CERK: variants seen among roughly 807,000 people sequenced by gnomAD.
CERK encodes acylsphingosine kinase.
A neutral mutation model predicts 63.4 loss-of-function variants in CERK; 39 were observed. The ratio of observed to expected loss-of-function variants is 0.61; its 90% CI spans 0.48 to 0.80. The LOEUF is 0.80. Ranked by LOEUF, CERK falls within the 30% of genes least tolerant of loss-of-function variation. The probability of loss-of-function intolerance (pLI) is 0.00; values close to 1 mark genes in which losing one functional copy is unlikely to be tolerated. For missense variants in CERK, 670 were observed against 714.1 expected, an observed-to-expected ratio of 0.94 and a Z score of 0.70; for synonymous variants, 302 against 280.0, an observed-to-expected ratio of 1.08 and a Z score of -0.78.
intron 4 of CERK, among the ~76,000 whole-genome samples, chr22:46,711,575 T>C (rs2082841243): frequency 6.6e-6 from 1 of 152,174 alleles, no homozygotes; most frequent in South Asian, 2.1e-4. Context: ...CAGGCCCCGG[T>C]GTGTGATGTG....
intron 3 of CERK, among the ~76,000 whole-genome samples, chr22:46,717,190 C>G (rs1260672570): frequency 6.6e-6 from 1 of 152,204 alleles, no homozygotes; most frequent in Non-Finnish European, 1.5e-5. Context: ...CCAGAACTCC[C>G]GAACCCTGAG....
intron 3 of CERK, 40 bp downstream of exon 3, chr22:46,720,046 A>G: frequency 1.2e-6 from 2 of 1,602,616 alleles, no homozygotes; most frequent in Non-Finnish European, 1.7e-6. Flanking sequence ...TGCGCATGCC[A>G]CCACGGCCAT....
chr22:46,718,706 A>G (rs973941836), intron 3 of CERK, among the ~76,000 whole-genome samples: 2 of 152,230 alleles, frequency 1.3e-5, no homozygotes, highest in East Asian at 3.8e-4. Flanking sequence ...TGCCAAATTC[A>G]TTCAAAAATA....
chr22:46,727,955 G>A (rs1012559931), intron 1 of CERK, among the ~76,000 whole-genome samples: 6 of 152,152 alleles, frequency 3.9e-5, no homozygotes, highest in African/African-American at 9.7e-5. Context: ...GCATGTGGAC[G>A]GGCATGTCAC....
intron 1 of CERK, among the ~76,000 whole-genome samples, chr22:46,728,624 C>A (rs574814766): frequency 6.6e-6 from 1 of 152,334 alleles, no homozygotes; most frequent in South Asian, 2.1e-4. Context: ...CAGAATGAAC[C>A]AAGCCCGACC....
chr22:46,736,280 G>A (rs2082972910), intron 1 of CERK, among the ~76,000 whole-genome samples: 1 of 152,266 alleles, frequency 6.6e-6, no homozygotes, highest in Admixed American at 6.5e-5. Context: ...GGGACGCCAA[G>A]GCAGAAAGCA....
At chr22:46,724,231 G>T (rs941200101) in intron 1 of CERK, among the ~76,000 whole-genome samples, 1 of 151,898 alleles carries the variant, frequency 6.6e-6, no homozygotes, top group Non-Finnish European at 1.5e-5. Context: ...TCTTAACCAC[G>T]TTTTCTTTTC....
rs953579580 is a variant in CERK, at chr22:46,724,813, A to T, written c.143-3798T>A. Among the ~76,000 whole-genome samples, 10 of 152,030 alleles carry T rather than the reference A, an allele frequency of 6.6e-5. No homozygotes were observed. The Middle Eastern group carries it at 0.01, about 155-fold the overall frequency. Reference sequence around the variant, plus strand: ...GGTGGGCGGATCACGAGGTCAGGAGATCGAGACCACCCTGGCTAACATGGT... The same window carrying T: ...GGTGGGCGGATCACGAGGTCAGGAGTTCGAGACCACCCTGGCTAACATGGT... On this transcript the variant is annotated intron_variant, in intron 1 of 12. Coordinates refer to ENST00000216264, the MANE Select transcript of CERK (RefSeq NM_022766.6).
rs964459147 is a variant in CERK at position 46,685,289 on chromosome 22, T to G, written c.*1845A>C. ...TTTCACCATGTTGGGCAGGCTGATC[T>G]CAAACTCCTGACCTTAGGTGATCCA... On this transcript the variant is annotated 3_prime_UTR_variant, in exon 13 of 13. Coordinates refer to ENST00000216264, the MANE Select transcript of CERK (RefSeq NM_022766.6). 2.0e-5 allele frequency: 3 copies of G among 152,324 alleles called. No individual in the cohort carries two copies. Among genetic ancestry groups the G allele is most frequent in the African/African-American group, 7.2e-5 (3 of 41,466 alleles). 9.4% of individuals were successfully genotyped at this position (152,324 alleles called of 1,614,324 possible).
intron 1 of CERK, among the ~76,000 whole-genome samples, chr22:46,724,062 G>A (rs895768079): frequency 5.9e-5 from 9 of 151,492 alleles, no homozygotes; most frequent in Admixed American, 1.3e-4. Context: ...CACCTCCTCC[G>A]TCTTCTCCAC....
At chr22:46,716,410 C>A (rs1479292050) in intron 3 of CERK, among the ~76,000 whole-genome samples, 1 of 150,556 alleles carries the variant, frequency 6.6e-6, no homozygotes, top group African/African-American at 2.4e-5. Context: ...AGGCTGGTCC[C>A]GAACTCTTGA....
chr22:46,704,164 G>A (rs538533546), intron 6 of CERK, among the ~76,000 whole-genome samples: 8 of 152,332 alleles, frequency 5.3e-5, no homozygotes, highest in African/African-American at 1.7e-4. Flanking sequence ...AGGGCACACA[G>A]CGGTACCCCC....
intron 7 of CERK, among the ~76,000 whole-genome samples, chr22:46,700,176 C>T (rs548648315): frequency 4.0e-5 from 6 of 151,092 alleles, no homozygotes; most frequent in African/African-American, 1.5e-4. Context: ...GGTGGATCAC[C>T]TGAGGTCAGG....
intron 3 of CERK, 99 bp from the exon 4 acceptor site, chr22:46,712,392 T>C: frequency 9.6e-7 from 1 of 1,037,656 alleles, no homozygotes; most frequent in Non-Finnish European, 1.4e-6. Flanking sequence ...TTTAGAATTC[T>C]GCTTAGTATT....
chr22:46,728,197 C>T lies in CERK; in HGVS notation c.143-7182G>A, dbSNP rs559788688. ...GTCCCCACTCCATGCTGTCAGGTCG[C>T]GGGAAACCTGCATCAGCCTCCCGTC... On this transcript the variant is annotated intron_variant, in intron 1 of 12. Coordinates refer to ENST00000216264, the MANE Select transcript of CERK (RefSeq NM_022766.6). 1.1e-4 allele frequency among the ~76,000 whole-genome samples: 17 copies of T among 152,236 alleles called. No homozygotes were observed. The East Asian group carries it at 1.2e-3, about 10-fold the overall frequency.
chr22:46,716,715 G>T (rs900356099), intron 3 of CERK, among the ~76,000 whole-genome samples: 1 of 151,828 alleles, frequency 6.6e-6, no homozygotes, highest in Admixed American at 6.6e-5. Context: ...GAGGCAGGTA[G>T]ATCACTTGAG....
intron 12 of CERK, among the ~76,000 whole-genome samples, chr22:46,689,023 TC>T (rs1167237801): frequency 3.9e-5 from 6 of 152,228 alleles, no homozygotes; most frequent in African/African-American, 1.4e-4. Context: ...ATCACAGACT[TC>T]CAAATACAAT....
intron 1 of CERK, among the ~76,000 whole-genome samples, chr22:46,731,685 C>T (rs536612662): frequency 3.9e-5 from 6 of 152,218 alleles, no homozygotes; most frequent in East Asian, 1.9e-4. Flanking sequence ...ACAGGGCATG[C>T]GGGAGATAAT....
chr22:46,728,878 G>T (rs1194309152), intron 1 of CERK, among the ~76,000 whole-genome samples: 1 of 152,226 alleles, frequency 6.6e-6, no homozygotes, highest in Non-Finnish European at 1.5e-5. Flanking sequence ...GGGCAGAGGG[G>T]TGCTCAGAGG....
Sources: gnomAD v4.1 joint callset for allele counts (sites outside exome capture counted in the v4.1 genomes callset) on GRCh38, gnomAD v4.1.1 for gene constraint, MANE v1.5 for transcripts, NCBI Gene and HGNC (gene_info 2026-07-23, HGNC 2026-07-21) for gene names.